The following KCNH8 variants were observed in gnomAD, a reference collection of about 807,000 sequenced individuals.
KCNH8 encodes the protein potassium voltage-gated channel subfamily H member 8.
KCNH8 carries 70 observed loss-of-function variants against 103.6 expected under a neutral mutation model. That is an observed-to-expected ratio of 0.68 (90% confidence interval 0.56 to 0.82). The LOEUF (loss-of-function observed/expected upper bound fraction) is 0.82. KCNH8 is among the 40% of genes least tolerant of loss of function. The probability of loss-of-function intolerance (pLI) is 0.00; values close to 1 mark genes in which losing one functional copy is unlikely to be tolerated. For missense variants in KCNH8, 1,217 were observed against 1,329.9 expected, an observed-to-expected ratio of 0.92 and a Z score of 1.32; for synonymous variants, 498 against 489.4, an observed-to-expected ratio of 1.02 and a Z score of -0.23.
chr3:19,430,596 T>C (rs943779597), intron 7 of KCNH8, among the ~76,000 whole-genome samples: 1 of 152,206 alleles, frequency 6.6e-6, no homozygotes, highest in Non-Finnish European at 1.5e-5. Flanking sequence ...TTTAATAATA[T>C]TAATTCCTTC....
rs544399181 is a variant in KCNH8, at chr3:19,163,733, GACA to G, written c.76+14943_76+14945del. Among the ~76,000 whole-genome samples, 174 of 152,182 alleles carry G rather than the reference GACA, an allele frequency of 1.1e-3. 1 individual carries two copies. In the East Asian group the frequency reaches 0.015, roughly 13 times the overall value. On this transcript the variant is annotated intron_variant, in intron 1 of 15. Transcript: ENST00000328405. ...CTTCCACCTCTGCCTCCTCCCATGA[GACA>G]ACAAGACTGACCCCTCCTCTTCCTC...
At chr3:19,429,439 G>T (rs1383555058) in intron 7 of KCNH8, among the ~76,000 whole-genome samples, 1 of 152,114 alleles carries the variant, frequency 6.6e-6, no homozygotes, top group African/African-American at 2.4e-5. Flanking sequence ...CTCCCAAAGT[G>T]CTGGGATTAC....
chr3:19,497,998 A>T (rs1478279012), intron 11 of KCNH8, among the ~76,000 whole-genome samples: 1 of 151,768 alleles, frequency 6.6e-6, no homozygotes, highest in Non-Finnish European at 1.5e-5. Flanking sequence ...GTAATGTCCT[A>T]CTCTATCTTT....
chr3:19,399,353 C>T (rs1403620986), intron 7 of KCNH8, among the ~76,000 whole-genome samples: 1 of 151,860 alleles, frequency 6.6e-6, no homozygotes, highest in African/African-American at 2.4e-5. Context: ...TTTCTTATAT[C>T]TCAGTTAATA....
intron 1 of KCNH8, among the ~76,000 whole-genome samples, chr3:19,202,866 A>G (rs923480790): frequency 6.6e-6 from 1 of 152,148 alleles, no homozygotes; most frequent in Non-Finnish European, 1.5e-5. Flanking sequence ...TAATGTGCAC[A>G]AAAAGTTTGT....
chr3:19,390,888 A>G (rs545040895), intron 6 of KCNH8, among the ~76,000 whole-genome samples: 1 of 152,162 alleles, frequency 6.6e-6, no homozygotes, highest in African/African-American at 2.4e-5. Flanking sequence ...TGAATTTATC[A>G]TAAATACTGA....
chr3:19,439,609 C>T (rs2067249220), intron 8 of KCNH8, among the ~76,000 whole-genome samples: 1 of 152,148 alleles, frequency 6.6e-6, no homozygotes, highest in Admixed American at 6.6e-5. Flanking sequence ...GAAGGCTCAA[C>T]TCACAAAGAA....
At chr3:19,344,030 G>A (rs1182604480) in intron 4 of KCNH8, among the ~76,000 whole-genome samples, 1 of 151,242 alleles carries the variant, frequency 6.6e-6, no homozygotes, top group Admixed American at 6.6e-5. Flanking sequence ...TTTCTCTAGG[G>A]ATACCTGTGC....
At chr3:19,282,564 C>A (rs961831287) in intron 3 of KCNH8, among the ~76,000 whole-genome samples, 1 of 152,020 alleles carries the variant, frequency 6.6e-6, no homozygotes, top group African/African-American at 2.4e-5. Flanking sequence ...ATAACACAAT[C>A]CTTAGAAAGA....
chr3:19,292,979 GT>G, intron 3 of KCNH8, among the ~76,000 whole-genome samples: 1 of 152,274 alleles, frequency 6.6e-6, no homozygotes, highest in Non-Finnish European at 1.5e-5. Context: ...CAAGGTTTGG[GT>G]TTTTTCCCTA....
At chr3:19,197,891 G>A (rs1032017383) in intron 1 of KCNH8, among the ~76,000 whole-genome samples, 5 of 151,824 alleles carry the variant, frequency 3.3e-5, no homozygotes, top group African/African-American at 2.4e-5. Flanking sequence ...TTTAAAATTT[G>A]TGCAGTATTT....
At chr3:19,372,578 C>T (rs1475445337) in intron 5 of KCNH8, among the ~76,000 whole-genome samples, 1 of 152,206 alleles carries the variant, frequency 6.6e-6, no homozygotes, top group Admixed American at 6.5e-5. Flanking sequence ...TTGACTTCCT[C>T]TTTTCCTGAT....
intron 7 of KCNH8, among the ~76,000 whole-genome samples, chr3:19,435,542 T>A (rs2067186857): frequency 6.6e-6 from 1 of 152,188 alleles, no homozygotes; most frequent in Non-Finnish European, 1.5e-5. Flanking sequence ...AGCCCTCACA[T>A]GGGCTCCATT....
Position 19,470,799 on chromosome 3 carries a change from T to C in KCNH8, c.2040+13817T>C, listed in dbSNP as rs573191595. ...GCTGTGGCATTATAGTTTGTCTCCA[T>C]GCAATCATATCTCAGCAACATTTTC... On this transcript the variant is annotated intron_variant, in intron 11 of 15. Coordinates refer to ENST00000328405, the MANE Select transcript of KCNH8 (RefSeq NM_144633.3). 6.0e-4 allele frequency among the ~76,000 whole-genome samples: 92 copies of C among 152,324 alleles called. No homozygotes were observed. In the East Asian group the frequency reaches 0.01, roughly 17 times the overall value.
intron 1 of KCNH8, among the ~76,000 whole-genome samples, chr3:19,151,917 G>A (rs2063134039): frequency 1.3e-5 from 2 of 151,918 alleles, no homozygotes; most frequent in Non-Finnish European, 2.9e-5. Flanking sequence ...TTTATGGTTT[G>A]TATTTAACTG....
chr3:19,499,499 A>G (rs2068526631), intron 11 of KCNH8, among the ~76,000 whole-genome samples: 3 of 152,148 alleles, frequency 2.0e-5, no homozygotes, highest in Non-Finnish European at 2.9e-5. Context: ...CAGATTCACC[A>G]AAGTTGAAAT....
At chr3:19,499,123 T>G (rs567591238) in intron 11 of KCNH8, among the ~76,000 whole-genome samples, 89 of 151,958 alleles carry the variant, frequency 5.9e-4, no homozygotes, top group African/African-American at 2.1e-3. Flanking sequence ...AAACCAAGGC[T>G]CGAGAACTAC....
chr3:19,332,490 C>T (rs568480029), intron 3 of KCNH8, among the ~76,000 whole-genome samples: 2 of 152,104 alleles, frequency 1.3e-5, no homozygotes, highest in Non-Finnish European at 2.9e-5. Context: ...CAATTGTGCA[C>T]AGGGCTTCAT....
chr3:19,275,493 C>A (rs1559454229), intron 2 of KCNH8, among the ~76,000 whole-genome samples: 1 of 151,986 alleles, frequency 6.6e-6, no homozygotes, highest in Non-Finnish European at 1.5e-5. Context: ...GGGGTATTGA[C>A]CCGACGTAAA....
Sources: gnomAD v4.1 joint callset for allele counts (sites outside exome capture counted in the v4.1 genomes callset) on GRCh38, gnomAD v4.1.1 for gene constraint, MANE v1.5 for transcripts, NCBI Gene and HGNC (gene_info 2026-07-23, HGNC 2026-07-21) for gene names.